The following RAB11FIP4 variants were observed in gnomAD, a reference collection of about 807,000 sequenced individuals.
The protein encoded by RAB11FIP4 is rab11 family-interacting protein 4.
Under a neutral mutation model 74.3 loss-of-function variants are expected in RAB11FIP4, and 23 were observed. The ratio of observed to expected loss-of-function variants is 0.31; its 90% CI spans 0.22 to 0.44. The LOEUF is 0.44. Ranked by LOEUF, RAB11FIP4 falls within the 20% of genes least tolerant of loss-of-function variation. The probability of loss-of-function intolerance (pLI) is 1.00; values close to 1 mark genes in which losing one functional copy is unlikely to be tolerated. For synonymous variants in RAB11FIP4, 360 were observed against 359.9 expected (o/e 1.00, Z 0.00); for missense variants, 630 against 863.9 (o/e 0.73, Z 3.39).
chr17:31,398,923 C>T (rs2070957743), intron 1 of RAB11FIP4, among the ~76,000 whole-genome samples: 1 of 152,206 alleles, frequency 6.6e-6, no homozygotes, highest in African/African-American at 2.4e-5. Context: ...CCTCCACTGC[C>T]TGAGAAGTTC....
Position 31,490,624 on chromosome 17 carries a change from G to A in RAB11FIP4, c.337-27027G>A, listed in dbSNP as rs568480707. Reference sequence around the variant, plus strand: ...AAGCTGGAGTCAAGTGGTGTGATCAGGGCTCACTGCAGCCTCCCACCCTCC... The same window carrying A: ...AAGCTGGAGTCAAGTGGTGTGATCAAGGCTCACTGCAGCCTCCCACCCTCC... On this transcript the variant is annotated intron_variant, in intron 3 of 14. Coordinates refer to ENST00000621161, the MANE Select transcript of RAB11FIP4 (RefSeq NM_032932.6). Among the ~76,000 whole-genome samples, 253 of 152,104 alleles carry A rather than the reference G, an allele frequency of 1.7e-3. 1 individual carries two copies. Among genetic ancestry groups the A allele is most frequent in the Middle Eastern group, 6.8e-3 (2 of 294 alleles).
At chr17:31,488,185 G>C in intron 3 of RAB11FIP4, 2 of 1,084,390 alleles carry the variant, frequency 1.8e-6, no homozygotes, top group South Asian at 8.8e-5. Context: ...CCGCGTCCCC[G>C]CGCGCCGCCG....
At chr17:31,465,951 G>A (rs1212209721) in intron 3 of RAB11FIP4, 3 of 149,078 alleles carry the variant, frequency 2.0e-5, no homozygotes, top group African/African-American at 7.5e-5. Flanking sequence ...TGGCTAACAT[G>A]GTGAAACCCC....
chr17:31,411,999 C>T (rs1452953947), intron 1 of RAB11FIP4, among the ~76,000 whole-genome samples: 1 of 152,196 alleles, frequency 6.6e-6, no homozygotes, highest in Non-Finnish European at 1.5e-5. Context: ...TCATGAGGGG[C>T]CGTGTGAGGT....
chr17:31,429,685 G>A (rs1431015124), intron 1 of RAB11FIP4, among the ~76,000 whole-genome samples: 1 of 152,096 alleles, frequency 6.6e-6, no homozygotes, highest in Non-Finnish European at 1.5e-5. Context: ...AAATTACCTG[G>A]GCATGTTGGC....
intron 3 of RAB11FIP4, among the ~76,000 whole-genome samples, chr17:31,484,634 C>T (rs1240772106): frequency 6.6e-6 from 1 of 152,182 alleles, no homozygotes; most frequent in Admixed American, 6.6e-5. Flanking sequence ...ACCCCACCCC[C>T]CACTGGACTA....
intron 1 of RAB11FIP4, among the ~76,000 whole-genome samples, chr17:31,429,828 CAAAAAA>C (rs751342010): frequency 1.1e-4 from 9 of 80,316 alleles, no homozygotes; most frequent in East Asian, 3.6e-4. Flanking sequence ...GATTCCATCT[CAAAAAA>C]AAAAAAAAAA....
In RAB11FIP4 at chr17:31,523,779, C is replaced by G; in HGVS notation, c.1030-114C>G. On this transcript the variant is annotated intron_variant, in intron 8 of 14. Coordinates refer to ENST00000621161, the MANE Select transcript of RAB11FIP4 (RefSeq NM_032932.6). ...CCCACTCCCCCACCCCACACATGACCGTTCTCAGATACACAGTGGTTTGGA... is the reference window on the plus strand; with the variant it reads ...CCCACTCCCCCACCCCACACATGACGGTTCTCAGATACACAGTGGTTTGGA... 3.0e-6 allele frequency: 3 copies of G among 1,002,636 alleles called. No individual in the cohort carries two copies. In the Middle Eastern group the frequency reaches 6.2e-4, roughly 209 times the overall value. 62.1% of individuals were successfully genotyped at this position (1,002,636 alleles called of 1,614,324 possible). A position where few individuals can be genotyped will look rare whatever the true frequency, so the allele number is the denominator to read the frequency against.
chr17:31,468,055 A>G (rs559122035), intron 3 of RAB11FIP4, among the ~76,000 whole-genome samples: 89 of 152,276 alleles, frequency 5.8e-4, no homozygotes, highest in Middle Eastern at 3.4e-3. Flanking sequence ...GCGCTGGTCC[A>G]TTGTAGTTTG....
In RAB11FIP4 at chr17:31,535,447, C is replaced by T. The variant is rs2072943389; in HGVS notation, c.*3715C>T. The T allele has an allele frequency of 6.6e-6, 1 of 152,110 alleles. No homozygotes were observed. Among genetic ancestry groups the T allele is most frequent in the South Asian group, 2.1e-4 (1 of 4,822 alleles). The allele number at this position is 152,110 out of a possible 1,614,324, so 9.4% of individuals were successfully genotyped here. On this transcript the variant is annotated 3_prime_UTR_variant, in exon 15 of 15. Transcript: ENST00000621161. ...AGGCATCGAGATGTGTAAAGACCTC[C>T]CCAGGTGATGATATGCAGTCCGAGG...
Position 31,441,652 on chromosome 17 carries a change from C to T in RAB11FIP4, c.336+7530C>T, listed in dbSNP as rs559688193. On this transcript the variant is annotated intron_variant, in intron 3 of 14. Coordinates refer to ENST00000621161, the MANE Select transcript of RAB11FIP4 (RefSeq NM_032932.6). The stretch of plus-strand genomic sequence containing the variant: ...AAGCAATTCTCCTGCCTCAGCCTCT[C>T]GAGTAGCTGAGATTACAGGCGCCCA... 2.6e-3 allele frequency among the ~76,000 whole-genome samples: 388 copies of T among 151,962 alleles called. 1 individual carries two copies. Among genetic ancestry groups the T allele is most frequent in the African/African-American group, 8.7e-3 (359 of 41,450 alleles).
In RAB11FIP4 at chr17:31,505,674, AATT is replaced by A. The variant is rs1283198411; in HGVS notation, c.337-11971_337-11969del. ...AATATATAATAATTATATAATACAT[AATT>A]ATTATAATATATAATAATTATATAT... On this transcript the variant is annotated intron_variant, in intron 3 of 14. Transcript: ENST00000621161. 2.9e-3 allele frequency among the ~76,000 whole-genome samples: 227 copies of A among 79,038 alleles called. 2 individuals carry two copies. The highest frequency in any genetic ancestry group is 0.01 in the Admixed American group (56 of 5,448). 51.9% of individuals were successfully genotyped at this position (79,038 alleles called of 152,430 possible).
At chr17:31,422,221 A>G (rs1327167629) in intron 1 of RAB11FIP4, among the ~76,000 whole-genome samples, 4 of 152,156 alleles carry the variant, frequency 2.6e-5, no homozygotes, top group African/African-American at 7.2e-5. Flanking sequence ...ATCGTCCAAG[A>G]TATGATCTAC....
intron 3 of RAB11FIP4, among the ~76,000 whole-genome samples, chr17:31,457,484 C>A (rs2071589598): frequency 6.6e-6 from 1 of 152,106 alleles, no homozygotes; most frequent in Non-Finnish European, 1.5e-5. Flanking sequence ...ACTATCCATT[C>A]CCTCTCTCAC....
At chr17:31,525,597 A>G (rs550597036) in intron 10 of RAB11FIP4, 1 of 232,754 alleles carries the variant, frequency 4.3e-6, no homozygotes, top group South Asian at 7.9e-5. Context: ...GGTAAATGGA[A>G]AACCCGGCTC....
chr17:31,411,010 T>C (rs1248383740), intron 1 of RAB11FIP4, among the ~76,000 whole-genome samples: 1 of 152,176 alleles, frequency 6.6e-6, no homozygotes, highest in Non-Finnish European at 1.5e-5. Flanking sequence ...CTTTCCACCC[T>C]GGATGGCACA....
At chr17:31,433,987 C>T in intron 2 of RAB11FIP4, 47 bp from the exon 3 acceptor site, 2 of 1,522,246 alleles carry the variant, frequency 1.3e-6, no homozygotes, top group Non-Finnish European at 1.8e-6. Flanking sequence ...CCGTCCCAGG[C>T]TGAGGCTCAA....
intron 11 of RAB11FIP4, among the ~76,000 whole-genome samples, 166 bp from the exon 12 acceptor site, chr17:31,528,240 G>A (rs2072802191): frequency 6.6e-6 from 1 of 152,204 alleles, no homozygotes; most frequent in Non-Finnish European, 1.5e-5. Context: ...AATCATCGGG[G>A]CTCTGGCCGT....
chr17:31,479,708 G>A, intron 3 of RAB11FIP4, among the ~76,000 whole-genome samples: 1 of 152,198 alleles, frequency 6.6e-6, no homozygotes, highest in Non-Finnish European at 1.5e-5. Flanking sequence ...TTTGAAGGAT[G>A]AATAGGAGTT....
Sources: gnomAD v4.1 joint callset for allele counts (sites outside exome capture counted in the v4.1 genomes callset) on GRCh38, gnomAD v4.1.1 for gene constraint, MANE v1.5 for transcripts, NCBI Gene and HGNC (gene_info 2026-07-23, HGNC 2026-07-21) for gene names.